The following TTC28 variants were observed in gnomAD, a reference collection of about 807,000 sequenced individuals.
TTC28 encodes the protein tetratricopeptide repeat protein 28.
A neutral mutation model predicts 198.0 loss-of-function variants in TTC28; 61 were observed. The observed-to-expected ratio is 0.31, with a 90% CI of 0.25 to 0.38. The LOEUF (loss-of-function observed/expected upper bound fraction) is 0.38. Ranked by LOEUF, TTC28 falls within the 10% of genes least tolerant of loss-of-function variation. The pLI, the probability that TTC28 is intolerant of heterozygous loss-of-function variation, is 1.00. For missense variants in TTC28, 2,678 were observed against 3,164.0 expected, an observed-to-expected ratio of 0.85 and a Z score of 3.69; for synonymous variants, 1,171 against 1,297.8, an observed-to-expected ratio of 0.90 and a Z score of 2.10.
intron 5 of TTC28, among the ~76,000 whole-genome samples, chr22:28,183,045 A>C (rs1349279287): frequency 6.7e-6 from 1 of 148,722 alleles, no homozygotes; most frequent in East Asian, 1.9e-4. Context: ...AAACCCCTTC[A>C]ATGTCTTTTT....
intron 5 of TTC28, among the ~76,000 whole-genome samples, chr22:28,250,469 T>G (rs1930438162): frequency 1.3e-5 from 2 of 152,150 alleles, no homozygotes; most frequent in African/African-American, 4.8e-5. Context: ...CCGTAAGAGG[T>G]ATCTGTGGTA....
intron 2 of TTC28, among the ~76,000 whole-genome samples, chr22:28,537,301 A>C (rs542276898): frequency 0.017 from 2,070 of 122,124 alleles, 61 homozygotes; most frequent in East Asian, 0.046. Flanking sequence ...TCAAAAATAA[A>C]ATAAAATAAA....
chr22:28,416,310 TATTA>T (rs1461734094), intron 2 of TTC28, among the ~76,000 whole-genome samples: 2 of 152,320 alleles, frequency 1.3e-5, no homozygotes, highest in East Asian at 3.9e-4. Flanking sequence ...CAAAACCATG[TATTA>T]ATTAAGAGGA....
chr22:28,125,692 A>C (rs1348047372), intron 6 of TTC28, among the ~76,000 whole-genome samples: 1 of 152,240 alleles, frequency 6.6e-6, no homozygotes, highest in East Asian at 1.9e-4. Context: ...GATCTGCTTG[A>C]AAAAGAATTA....
intron 5 of TTC28, among the ~76,000 whole-genome samples, chr22:28,224,241 T>A (rs2147210529): frequency 6.6e-6 from 1 of 152,294 alleles, no homozygotes; most frequent in Middle Eastern, 3.4e-3. Flanking sequence ...GGTGCATGTG[T>A]CATGTTAAAA....
chr22:28,330,849 T>G (rs2045603104), intron 2 of TTC28, among the ~76,000 whole-genome samples: 1 of 152,162 alleles, frequency 6.6e-6, no homozygotes, highest in Admixed American at 6.6e-5. Flanking sequence ...CAAAGCAACA[T>G]AAGAACAAGT....
At chr22:28,532,820 C>G (rs895837405) in intron 2 of TTC28, among the ~76,000 whole-genome samples, 5 of 152,148 alleles carry the variant, frequency 3.3e-5, no homozygotes, top group Admixed American at 1.3e-4. Flanking sequence ...ATGATTATCT[C>G]AATAGATGCA....
At chr22:28,489,019 C>G (rs1372689334) in intron 2 of TTC28, among the ~76,000 whole-genome samples, 3 of 152,152 alleles carry the variant, frequency 2.0e-5, no homozygotes, top group African/African-American at 4.8e-5. Flanking sequence ...CATAGTAGCT[C>G]ATGCCTGTAA....
chr22:28,184,472 C>T (rs894352552), intron 5 of TTC28, among the ~76,000 whole-genome samples: 3 of 151,896 alleles, frequency 2.0e-5, no homozygotes, highest in Non-Finnish European at 4.4e-5. Flanking sequence ...TTGGAAATCC[C>T]CAAAGAAAGG....
At chr22:28,231,202 C>T (rs189905832) in intron 5 of TTC28, among the ~76,000 whole-genome samples, 1 of 152,282 alleles carries the variant, frequency 6.6e-6, no homozygotes, top group African/African-American at 2.4e-5. Context: ...ATAGTCTCTG[C>T]ACTTGAAGAA....
At position 27,985,277 on chromosome 22, in the gene TTC28, G is replaced by A. The variant is rs373327968; in HGVS notation, c.5787C>T (p.Phe1929=). The change falls in exon 22 of 23, where the codon TTC becomes TTT. Residue 1929 remains phenylalanine (F), a synonymous_variant. Coordinates refer to ENST00000397906, the MANE Select transcript of TTC28 (RefSeq NM_001145418.2). ...ACAGAGACAGCAGGGACTGGAGCGC[G>A]AAGTGCACAGTCCGTCGATTAGCTT... The part of the protein sequence containing the change: ...GKQANRRTVH[F]ALQSLLSLFD... 4.3e-4 allele frequency: 672 copies of A among 1,551,484 alleles called. 3 individuals are homozygous for A. In the Middle Eastern group the frequency reaches 5.7e-3, roughly 13 times the overall value.
intron 2 of TTC28, among the ~76,000 whole-genome samples, chr22:28,388,887 G>C (rs1370465789): frequency 1.3e-5 from 2 of 152,162 alleles, no homozygotes; most frequent in African/African-American, 4.8e-5. Context: ...TGTTGACTAG[G>C]AGTGGTGAGA....
intron 2 of TTC28, among the ~76,000 whole-genome samples, chr22:28,512,333 T>C (rs1568989189): frequency 1.3e-5 from 2 of 152,110 alleles, no homozygotes; most frequent in Non-Finnish European, 2.9e-5. Context: ...TGGTAGAGTG[T>C]AAATTAGTTC....
At chr22:28,232,804 T>C (rs1270148145) in intron 5 of TTC28, 1 of 152,070 alleles carries the variant, frequency 6.6e-6, no homozygotes, top group East Asian at 1.9e-4. Flanking sequence ...TAATTTTAAA[T>C]TTTTTCCATT....
At position 28,543,478 on chromosome 22, in the gene TTC28, GGGGAGGAGA is replaced by G; in HGVS notation, c.381+86065_381+86073del. On this transcript the variant is annotated intron_variant, in intron 2 of 22. Coordinates refer to ENST00000397906, the MANE Select transcript of TTC28 (RefSeq NM_001145418.2). Reference sequence around the variant, plus strand: ...GGAGGAGATGAACAACAACAGGAGGGGGGAGGAGAGGGAGGAAGAGGAGGAAGAAGAATA... The same window carrying G: ...GGAGGAGATGAACAACAACAGGAGGGGGGAGGAAGAGGAGGAAGAAGAATA... Among the ~76,000 whole-genome samples, 3 of 151,162 alleles carry G rather than the reference GGGGAGGAGA, an allele frequency of 2.0e-5. No homozygotes were observed. In the South Asian group the frequency reaches 6.3e-4, roughly 32 times the overall value.
At chr22:28,555,514 T>TA (rs34391472) in intron 2 of TTC28, among the ~76,000 whole-genome samples, 2 of 152,196 alleles carry the variant, frequency 1.3e-5, no homozygotes, top group African/African-American at 4.8e-5. Flanking sequence ...TACTCAGCCA[T>TA]AAAAAGGAAT....
At chr22:28,147,940 A>G (rs2147006356) in intron 6 of TTC28, among the ~76,000 whole-genome samples, 1 of 152,328 alleles carries the variant, frequency 6.6e-6, no homozygotes, top group Admixed American at 6.5e-5. Context: ...CTAGATGTTA[A>G]ATACAGAGAA....
chr22:28,133,580 G>T (rs906628602), intron 6 of TTC28, among the ~76,000 whole-genome samples: 1 of 152,212 alleles, frequency 6.6e-6, no homozygotes, highest in African/African-American at 2.4e-5. Flanking sequence ...GCATGGCTCA[G>T]AGGGTCCCAA....
At chr22:28,350,602 T>G (rs2045977339) in intron 2 of TTC28, among the ~76,000 whole-genome samples, 1 of 152,144 alleles carries the variant, frequency 6.6e-6, no homozygotes, top group Non-Finnish European at 1.5e-5. Context: ...GTTTATCTTG[T>G]AACCATAGGC....
Sources: allele counts gnomAD v4.1 joint callset (sites outside exome capture counted in the v4.1 genomes callset), GRCh38; gene constraint gnomAD v4.1.1; transcripts MANE v1.5; gene names NCBI Gene and HGNC (gene_info 2026-07-23, HGNC 2026-07-21).